GPATCH1: variants seen among roughly 807,000 people sequenced by gnomAD.
GPATCH1 encodes the protein G-patch domain containing 1, also known as G patch domain-containing protein 1.
A neutral mutation model predicts 114.9 loss-of-function variants in GPATCH1; 73 were observed. The observed-to-expected ratio is 0.64, with a 90% CI of 0.53 to 0.77. GPATCH1 has a LOEUF of 0.77. Among genes scored for constraint, GPATCH1 ranks in the 30% least tolerant of loss-of-function variants. The pLI is 0.00. For missense variants in GPATCH1, 1,058 were observed against 1,144.3 expected (o/e 0.92, Z 1.09); for synonymous variants, 391 against 428.4 (o/e 0.91, Z 1.08).
chr19:33,105,676 A>G (rs1972775754), intron 9 of GPATCH1, among the ~76,000 whole-genome samples: 1 of 151,014 alleles, frequency 6.6e-6, no homozygotes, highest in African/African-American at 2.4e-5. Flanking sequence ...GGCATCCACC[A>G]CCACACCTGG....
At chr19:33,091,933 G>T (rs774296175) in intron 3 of GPATCH1, among the ~76,000 whole-genome samples, 3 of 152,100 alleles carry the variant, frequency 2.0e-5, no homozygotes, top group Non-Finnish European at 4.4e-5. Context: ...TCTTCTGTTG[G>T]CAGCTTGTCC....
chr19:33,102,541 C>G (rs1242158551), intron 9 of GPATCH1, among the ~76,000 whole-genome samples: 1 of 151,398 alleles, frequency 6.6e-6, no homozygotes, highest in Non-Finnish European at 1.5e-5. Flanking sequence ...GGATTACAGG[C>G]GTGCACCACC....
intron 9 of GPATCH1, among the ~76,000 whole-genome samples, chr19:33,103,562 A>G (rs1342317946): frequency 6.6e-6 from 1 of 151,916 alleles, no homozygotes; most frequent in Non-Finnish European, 1.5e-5. Flanking sequence ...TTAGCCAGGC[A>G]TGGTGGTACG....
In GPATCH1 at chr19:33,105,260, C is replaced by T. The variant is rs1334716684; in HGVS notation, c.1081-1435C>T. Among the ~76,000 whole-genome samples the T allele has an allele frequency of 4.0e-5, 6 of 151,200 alleles. No individual in the cohort carries two copies. The East Asian group carries it at 9.8e-4, about 25-fold the overall frequency. On this transcript the variant is annotated intron_variant, in intron 9 of 19. Coordinates refer to ENST00000170564, the MANE Select transcript of GPATCH1 (RefSeq NM_018025.3). ...CAGCCTGGCCAACATGGTGAAACCC[C>T]GTCTCTACTAAAAATACAAAAATTA...
At chr19:33,129,671 G>A (rs185413350) in intron 19 of GPATCH1, among the ~76,000 whole-genome samples, 1 of 152,256 alleles carries the variant, frequency 6.6e-6, no homozygotes, top group East Asian at 1.9e-4. Flanking sequence ...AGATTGGCCG[G>A]GTACGGTGGC....
intron 1 of GPATCH1, among the ~76,000 whole-genome samples, chr19:33,087,475 A>C (rs1049616818): frequency 6.6e-6 from 1 of 152,106 alleles, no homozygotes; most frequent in Non-Finnish European, 1.5e-5. Flanking sequence ...CTGTGGAATC[A>C]GGAGATTCAC....
At position 33,114,288 on chromosome 19, in the gene GPATCH1, C is replaced by T. The variant is rs773100318; in HGVS notation, c.2065C>T (p.His689Tyr). 2.5e-6 allele frequency: 4 copies of T among 1,612,898 alleles called. No individual in the cohort carries two copies. The African/African-American group carries it at 5.3e-5, about 22-fold the overall frequency. ...RKPSRWDTSK[H>Y]EKKEDSISEF... ...ACCATCCAGATGGGATACCTCTAAACACGAAAAGAAAGAAGATTCCATTAG... is the reference window on the plus strand; with the variant it reads ...ACCATCCAGATGGGATACCTCTAAATACGAAAAGAAAGAAGATTCCATTAG... Residue 689 changes from histidine to tyrosine, a missense_variant, in exon 15 of 20, where the codon CAC becomes TAC. Coordinates refer to ENST00000170564, the MANE Select transcript of GPATCH1 (RefSeq NM_018025.3).
At chr19:33,122,890 T>C (rs1395288821) in intron 17 of GPATCH1, among the ~76,000 whole-genome samples, 1 of 149,740 alleles carries the variant, frequency 6.7e-6, no homozygotes, top group East Asian at 2.0e-4. Flanking sequence ...CATAGAGAGA[T>C]TGTATCTCTT....
chr19:33,109,568 A>G (rs887786784), intron 10 of GPATCH1, 149 bp from the exon 11 acceptor site: 27 of 544,434 alleles, frequency 5.0e-5, no homozygotes, highest in Non-Finnish European at 8.2e-5. Flanking sequence ...TCTAGTCCAC[A>G]GGGACATATT....
Position 33,119,018 on chromosome 19 carries a change from C to T in GPATCH1, c.2422C>T (p.Pro808Ser), listed in dbSNP as rs948053686. 15 of 1,606,004 alleles carry T rather than the reference C, an allele frequency of 9.3e-6. 1 individual carries two copies. The highest frequency in any genetic ancestry group is 3.3e-5 in the South Asian group (3 of 90,626). Residue 808 changes from proline to serine, a missense_variant, in exon 17 of 20, where the codon CCA becomes TCA. By Grantham distance (74) the Pro-to-Ser change is moderately conservative. Around this residue, in one of 3 missense-constraint regions of GPATCH1, gnomAD observed 893 missense variants for 977.4 expected, o/e 0.91. Transcript: ENST00000170564. Reference sequence around the variant, plus strand: ...ACCCCGCTGTTTTTCAGCTCTTGTGCCAGCACCCCAGGAGCCGCCACCTTC... The same window carrying T: ...ACCCCGCTGTTTTTCAGCTCTTGTGTCAGCACCCCAGGAGCCGCCACCTTC... ...ETSSVAHALV[P>S]APQEPPPSFP...
chr19:33,099,591 T>C (rs1972701676), intron 8 of GPATCH1, among the ~76,000 whole-genome samples: 1 of 151,830 alleles, frequency 6.6e-6, no homozygotes. Flanking sequence ...CGGTTGATTT[T>C]TTACATTTTT....
At position 33,112,825 on chromosome 19, in the gene GPATCH1, C is replaced by A. The variant is rs531657231; in HGVS notation, c.1892+212C>A. The stretch of plus-strand genomic sequence containing the variant: ...CAAAATCTGGATAGCAAACTTTATT[C>A]CATATTGAAGCTATGAAACTCAGAT... On this transcript the variant is annotated intron_variant, in intron 13 of 19. Transcript: ENST00000170564. The A allele has an allele frequency of 3.1e-5, 13 of 423,642 alleles. No homozygotes were observed. In the South Asian group the frequency reaches 5.3e-4, roughly 17 times the overall value. The allele number at this position is 423,642 out of a possible 1,614,324, so 26.2% of individuals were successfully genotyped here.
rs1350120619 is a variant in GPATCH1, at chr19:33,106,733, A to G, written c.1119A>G (p.Pro373=). ...CAGAGCTGCCAAGAGACTATCGACCAGTGCATTATTTCAGACCCATGGTGG... is the reference window on the plus strand; with the variant it reads ...CAGAGCTGCCAAGAGACTATCGACCGGTGCATTATTTCAGACCCATGGTGG... ...PPPELPRDYR[P]VHYFRPMVAA... is the part of the protein sequence containing the mutation. Residue 373 remains proline (P), a synonymous_variant, in exon 10 of 20, where the codon CCA becomes CCG. Transcript: ENST00000170564. The G allele has an allele frequency of 6.2e-7, 1 of 1,613,998 alleles. No individual in the cohort carries two copies. The highest frequency in any genetic ancestry group is 2.2e-5 in the East Asian group (1 of 44,878).
At chr19:33,127,077 G>A (rs1973049687) in intron 19 of GPATCH1, among the ~76,000 whole-genome samples, 1 of 151,874 alleles carries the variant, frequency 6.6e-6, no homozygotes, top group Admixed American at 6.6e-5. Flanking sequence ...GGAGGTTGCA[G>A]TGAGCCACTA....
chr19:33,083,004 C>T lies in GPATCH1; in HGVS notation c.73+1738C>T, dbSNP rs890637890. 4.6e-5 allele frequency among the ~76,000 whole-genome samples: 7 copies of T among 151,632 alleles called. No homozygotes were observed. The South Asian group carries it at 1.2e-3, about 27-fold the overall frequency. On this transcript the variant is annotated intron_variant, in intron 1 of 19. Coordinates refer to ENST00000170564, the MANE Select transcript of GPATCH1 (RefSeq NM_018025.3). ...CTGTAATCCCAGCACTTTGGGAGGC[C>T]GAGGCGGGCAGATCGCGAATTCAGA... is the stretch of plus-strand genomic sequence containing the variant.
chr19:33,100,430 A>G lies in GPATCH1; in HGVS notation c.1001-1065A>G, dbSNP rs1462274122. Among the ~76,000 whole-genome samples, 4 of 151,940 alleles carry G rather than the reference A, an allele frequency of 2.6e-5. 1 individual carries two copies. The South Asian group carries it at 6.2e-4, about 24-fold the overall frequency. On this transcript the variant is annotated intron_variant, in intron 8 of 19. Transcript: ENST00000170564. ...TGGTAAAACCTCGTCTCTACTAAAA[A>G]TACAAAAATTAGCTGGGTGTGGTGG...
chr19:33,125,625 A>T (rs1973032984), intron 18 of GPATCH1, among the ~76,000 whole-genome samples: 1 of 151,978 alleles, frequency 6.6e-6, no homozygotes, highest in South Asian at 2.1e-4. Flanking sequence ...ACCTCCGGTG[A>T]TCTACCTCCC....
intron 3 of GPATCH1, among the ~76,000 whole-genome samples, chr19:33,091,918 C>T (rs1175980670): frequency 6.6e-6 from 1 of 152,194 alleles, no homozygotes; most frequent in African/African-American, 2.4e-5. Context: ...GCTCTCTCTT[C>T]TCAGTCTTCT....
chr19:33,103,687 G>A (rs1205421391), intron 9 of GPATCH1, among the ~76,000 whole-genome samples: 2 of 150,710 alleles, frequency 1.3e-5, no homozygotes, highest in Non-Finnish European at 3.0e-5. Flanking sequence ...GGGTGACAGA[G>A]CAAGACTCCA....
Sources: gnomAD v4.1 joint callset for allele counts (sites outside exome capture counted in the v4.1 genomes callset) on GRCh38, gnomAD v4.1.1 for gene constraint, gnomAD v4.1.1 regional missense constraint, MANE v1.5 for transcripts, NCBI Gene and HGNC (gene_info 2026-07-23, HGNC 2026-07-21) for gene names.